WWOX: variants seen among roughly 807,000 people sequenced by gnomAD.
WWOX encodes WW domain-containing oxidoreductase.
WWOX carries 69 observed loss-of-function variants against 46.2 expected under a neutral mutation model. The ratio of observed to expected loss-of-function variants is 1.49; its 90% CI spans 1.23 to 1.82. The LOEUF (loss-of-function observed/expected upper bound fraction) is 1.82. Ranked by LOEUF, WWOX falls within the 40% of genes most tolerant of loss-of-function variation. The probability of loss-of-function intolerance (pLI) is 0.00; values close to 1 mark genes in which losing one functional copy is unlikely to be tolerated. For synonymous variants in WWOX, 359 were observed against 202.6 expected, an observed-to-expected ratio of 1.77 and a Z score of -6.56; for missense variants, 919 against 542.6, an observed-to-expected ratio of 1.69 and a Z score of -6.89.
intron 6 of WWOX, among the ~76,000 whole-genome samples, chr16:78,420,061 G>A (rs1164041764): frequency 1.3e-5 from 2 of 152,084 alleles, no homozygotes; most frequent in South Asian, 2.1e-4. Flanking sequence ...GCAAATGAAA[G>A]CCACAATGAG....
chr16:78,707,581 G>C (rs2048351202), intron 8 of WWOX, among the ~76,000 whole-genome samples: 1 of 152,096 alleles, frequency 6.6e-6, no homozygotes. Flanking sequence ...CTCAAAATCT[G>C]CAGTATTCAA....
At chr16:78,858,100 TGAAA>T (rs922786212) in intron 8 of WWOX, among the ~76,000 whole-genome samples, 5 of 151,618 alleles carry the variant, frequency 3.3e-5, no homozygotes, top group African/African-American at 1.2e-4. Flanking sequence ...AAAGGAAAAA[TGAAA>T]GAAATTAAAA....
At chr16:78,898,952 C>A (rs1196366012) in intron 8 of WWOX, 1 of 152,120 alleles carries the variant, frequency 6.6e-6, no homozygotes, top group African/African-American at 2.4e-5. Flanking sequence ...TTCTAGCAAA[C>A]TGCTCTCATA....
At chr16:78,566,838 G>A (rs2044580838) in intron 8 of WWOX, among the ~76,000 whole-genome samples, 1 of 152,214 alleles carries the variant, frequency 6.6e-6, no homozygotes, top group Non-Finnish European at 1.5e-5. Flanking sequence ...ATCAATCAGA[G>A]TGGGGCATGG....
intron 8 of WWOX, among the ~76,000 whole-genome samples, chr16:79,000,361 G>A (rs2047069567): frequency 6.6e-6 from 1 of 152,124 alleles, no homozygotes; most frequent in Non-Finnish European, 1.5e-5. Flanking sequence ...TTACATGGCA[G>A]ATGGGGAATT....
chr16:78,493,334 G>C lies in WWOX; in HGVS notation c.1056+60582G>C, dbSNP rs142196757. On this transcript the variant is annotated intron_variant, in intron 8 of 8. Coordinates refer to ENST00000566780, the MANE Select transcript of WWOX (RefSeq NM_016373.4). ...TTATTTGGGTCCAGAAGCTTCCCTG[G>C]AAAGAAAGGATTCACTGCAAGATCG... Among the ~76,000 whole-genome samples the C allele has an allele frequency of 3.0e-3, 455 of 152,258 alleles. 2 individuals carry two copies. The highest frequency in any genetic ancestry group is 0.01 in the African/African-American group (431 of 41,556).
intron 8 of WWOX, among the ~76,000 whole-genome samples, chr16:78,925,051 C>A (rs376846474): frequency 6.6e-6 from 1 of 152,038 alleles, no homozygotes; most frequent in African/African-American, 2.4e-5. Flanking sequence ...AAAAGTTAGC[C>A]AGGCATGGTG....
intron 5 of WWOX, among the ~76,000 whole-genome samples, chr16:78,272,826 C>T (rs779995146): frequency 7.2e-5 from 11 of 152,050 alleles, no homozygotes; most frequent in Non-Finnish European, 1.2e-4. Context: ...TGCTTAAAAT[C>T]AGAAAGGACT....
Position 78,702,417 on chromosome 16 carries a change from G to C in WWOX, c.1056+269665G>C, listed in dbSNP as rs138924838. ...GTAATTCCCAGTACTTTGTGAGGCTGAGGTGGGCAGATCCCATGAGGTCAG... is the reference window on the plus strand; with the variant it reads ...GTAATTCCCAGTACTTTGTGAGGCTCAGGTGGGCAGATCCCATGAGGTCAG... On this transcript the variant is annotated intron_variant, in intron 8 of 8. Coordinates refer to ENST00000566780, the MANE Select transcript of WWOX (RefSeq NM_016373.4). Among the ~76,000 whole-genome samples the C allele has an allele frequency of 5.3e-5, 8 of 152,146 alleles. No individual in the cohort carries two copies. In the East Asian group the frequency reaches 1.6e-3, roughly 30 times the overall value.
At chr16:78,465,511 T>C (rs1185453480) in intron 8 of WWOX, among the ~76,000 whole-genome samples, 1 of 152,200 alleles carries the variant, frequency 6.6e-6, no homozygotes, top group Non-Finnish European at 1.5e-5. Flanking sequence ...ACTGTCTGTT[T>C]TATCACATGA....
chr16:78,442,652 A>G (rs938484068), intron 8 of WWOX, among the ~76,000 whole-genome samples: 4 of 152,090 alleles, frequency 2.6e-5, no homozygotes, highest in African/African-American at 7.2e-5. Context: ...TCTGTCATAG[A>G]AGGCCTAATT....
At chr16:79,125,669 C>G (rs895375459) in intron 8 of WWOX, among the ~76,000 whole-genome samples, 1 of 152,142 alleles carries the variant, frequency 6.6e-6, no homozygotes, top group Non-Finnish European at 1.5e-5. Flanking sequence ...AACCCCAACC[C>G]CCAGGCCATG....
chr16:78,504,464 A>G (rs539122029), intron 8 of WWOX, among the ~76,000 whole-genome samples: 90 of 152,300 alleles, frequency 5.9e-4, no homozygotes, highest in Admixed American at 1.6e-3. Flanking sequence ...CCTCATACAA[A>G]TTGTCCAGGG....
chr16:79,011,467 A>ATTTATTTT (rs2047307486), intron 8 of WWOX, among the ~76,000 whole-genome samples: 1 of 134,338 alleles, frequency 7.4e-6, no homozygotes, highest in African/African-American at 3.0e-5. Flanking sequence ...TATTTTATTT[A>ATTTATTTT]TTTATTTATT....
chr16:79,077,487 G>A (rs1310155177), intron 8 of WWOX: 2 of 152,114 alleles, frequency 1.3e-5, no homozygotes, highest in African/African-American at 4.8e-5. Flanking sequence ...CAGAACATAA[G>A]GATGCAATTC....
chr16:78,705,707 TC>T (rs1250237490), intron 8 of WWOX, among the ~76,000 whole-genome samples: 2 of 152,230 alleles, frequency 1.3e-5, no homozygotes, highest in African/African-American at 2.4e-5. Flanking sequence ...CTTTTTTACT[TC>T]CTTTTCTATG....
chr16:78,631,264 T>G (rs2046422354), intron 8 of WWOX, among the ~76,000 whole-genome samples: 1 of 152,098 alleles, frequency 6.6e-6, no homozygotes, highest in African/African-American at 2.4e-5. Flanking sequence ...CATCCACCCC[T>G]TCCTCACCCA....
chr16:78,639,504 G>T (rs2046652306), intron 8 of WWOX, among the ~76,000 whole-genome samples: 1 of 152,118 alleles, frequency 6.6e-6, no homozygotes, highest in Non-Finnish European at 1.5e-5. Context: ...TTGCCTCTGG[G>T]AGGACCTGGT....
chr16:78,784,100 T>C (rs1359589762), intron 8 of WWOX, among the ~76,000 whole-genome samples: 1 of 152,182 alleles, frequency 6.6e-6, no homozygotes, highest in East Asian at 1.9e-4. Flanking sequence ...CATGCAATGC[T>C]TATGGTTTTT....
Sources: gnomAD v4.1 joint callset for allele counts (sites outside exome capture counted in the v4.1 genomes callset) on GRCh38, gnomAD v4.1.1 for gene constraint, MANE v1.5 for transcripts, NCBI Gene and HGNC (gene_info 2026-07-23, HGNC 2026-07-21) for gene names.